Variants in MCTP1 observed in about 807,000 individuals in gnomAD.
MCTP1 encodes multiple C2 and transmembrane domain containing 1.
In MCTP1, 69 loss-of-function variants were observed where a neutral mutation model predicts 120.6. The ratio of observed to expected loss-of-function variants is 0.57; its 90% CI spans 0.47 to 0.70. MCTP1 has a LOEUF of 0.70. Among genes scored for constraint, MCTP1 ranks in the 30% least tolerant of loss-of-function variants. The pLI, the probability that MCTP1 is intolerant of heterozygous loss-of-function variation, is 0.00. For synonymous variants in MCTP1, 529 were observed against 493.1 expected, an observed-to-expected ratio of 1.07 and a Z score of -0.96; for missense variants, 1,203 against 1,248.8, an observed-to-expected ratio of 0.96 and a Z score of 0.55.
At chr5:94,827,552 A>T (rs1412396882) in intron 17 of MCTP1, among the ~76,000 whole-genome samples, 1 of 152,004 alleles carries the variant, frequency 6.6e-6, no homozygotes, top group Non-Finnish European at 1.5e-5. Flanking sequence ...CAATATCCCG[A>T]AGTGTATTTT....
chr5:94,744,595 C>T (rs1366997486), intron 19 of MCTP1, among the ~76,000 whole-genome samples: 2 of 152,260 alleles, frequency 1.3e-5, no homozygotes, highest in East Asian at 1.9e-4. Context: ...CCTCTGTCTC[C>T]CAGGTTCAAG....
chr5:94,722,709 T>C (rs1580318244), intron 19 of MCTP1, among the ~76,000 whole-genome samples: 1 of 152,206 alleles, frequency 6.6e-6, no homozygotes, highest in African/African-American at 2.4e-5. Flanking sequence ...AAGTCTTGCT[T>C]ACATAACCTT....
At chr5:94,952,695 T>C (rs1055212619) in intron 3 of MCTP1, among the ~76,000 whole-genome samples, 1 of 152,184 alleles carries the variant, frequency 6.6e-6, no homozygotes, top group African/African-American at 2.4e-5. Flanking sequence ...CAAGTTCTTC[T>C]CTTTCTTTTA....
intron 2 of MCTP1, among the ~76,000 whole-genome samples, chr5:94,984,742 T>C (rs1221336228): frequency 6.6e-6 from 1 of 152,160 alleles, no homozygotes; most frequent in African/African-American, 2.4e-5. Context: ...TACAAATACA[T>C]TGTCATGATA....
chr5:95,034,618 A>T (rs1211214314), intron 1 of MCTP1, among the ~76,000 whole-genome samples: 5 of 152,046 alleles, frequency 3.3e-5, no homozygotes, highest in African/African-American at 1.2e-4. Flanking sequence ...AACTAGAAAA[A>T]TCCTAGAAGA....
At chr5:95,249,166 T>G (rs2152694501) in intron 1 of MCTP1, among the ~76,000 whole-genome samples, 1 of 152,064 alleles carries the variant, frequency 6.6e-6, no homozygotes, top group South Asian at 2.1e-4. Context: ...ACAAATGGGA[T>G]CTAATTAAAC....
intron 1 of MCTP1, among the ~76,000 whole-genome samples, chr5:95,175,241 C>T (rs1747825396): frequency 1.3e-5 from 2 of 152,204 alleles, no homozygotes. Flanking sequence ...TCTCCAGCTC[C>T]TAATGCCTTT....
intron 17 of MCTP1, among the ~76,000 whole-genome samples, chr5:94,817,029 T>A (rs905778003): frequency 6.6e-6 from 1 of 152,172 alleles, no homozygotes; most frequent in Non-Finnish European, 1.5e-5. Context: ...ACTGAAAACC[T>A]GTAACAGAGA....
At chr5:95,187,610 C>T (rs1053342087) in intron 1 of MCTP1, among the ~76,000 whole-genome samples, 6 of 152,074 alleles carry the variant, frequency 3.9e-5, no homozygotes, top group South Asian at 2.1e-4. Flanking sequence ...CCATGTTAGC[C>T]GGGATGGTTG....
At chr5:95,095,253 G>A (rs1173937693) in intron 1 of MCTP1, among the ~76,000 whole-genome samples, 2 of 151,752 alleles carry the variant, frequency 1.3e-5, no homozygotes, top group Non-Finnish European at 2.9e-5. Context: ...TCGATCTCCT[G>A]ACCTCGTGAT....
Position 94,704,684 on chromosome 5 carries a change from C to CT in MCTP1, c.*2811dup, listed in dbSNP as rs1022757414. 6 of 151,268 alleles carry CT rather than the reference C, an allele frequency of 4.0e-5. No homozygotes were observed. The highest frequency in any genetic ancestry group is 3.3e-4 in the Admixed American group (5 of 15,180). 9.4% of individuals were successfully genotyped at this position (151,268 alleles called of 1,614,324 possible). On this transcript the variant is annotated 3_prime_UTR_variant, in exon 23 of 23. Coordinates refer to ENST00000515393, the MANE Select transcript of MCTP1 (RefSeq NM_024717.7). ...ATACAATCATTGGTTTGACCGTTGTCTATAACAGGGTCATACAGTTGGTAT... is the reference window on the plus strand; with the variant it reads ...ATACAATCATTGGTTTGACCGTTGTCTTATAACAGGGTCATACAGTTGGTAT...
In MCTP1 at chr5:94,984,939, C is replaced by T. The variant is rs1469233892; in HGVS notation, c.839-31578G>A. Reference sequence around the variant, plus strand: ...AGATGATTAAATCACACATCAATGTCCTTTTACATCCAATTTAATATGAGT... The same window carrying T: ...AGATGATTAAATCACACATCAATGTTCTTTTACATCCAATTTAATATGAGT... On this transcript the variant is annotated intron_variant, in intron 2 of 22. Transcript: ENST00000515393. Among the ~76,000 whole-genome samples, 4 of 152,098 alleles carry T rather than the reference C, an allele frequency of 2.6e-5. No individual in the cohort carries two copies. The East Asian group carries it at 7.7e-4, about 29-fold the overall frequency.
intron 1 of MCTP1, among the ~76,000 whole-genome samples, chr5:95,165,809 G>C (rs1746269133): frequency 6.6e-6 from 1 of 152,192 alleles, no homozygotes; most frequent in African/African-American, 2.4e-5. Context: ...CTGCCCGGCT[G>C]TTTCCTATGT....
At chr5:95,271,217 A>G (rs1759367008) in intron 1 of MCTP1, among the ~76,000 whole-genome samples, 1 of 152,222 alleles carries the variant, frequency 6.6e-6, no homozygotes, top group African/African-American at 2.4e-5. Context: ...AGAAAGTAAT[A>G]AAATAGTGTA....
At chr5:95,269,852 C>A (rs1375102946) in intron 1 of MCTP1, among the ~76,000 whole-genome samples, 5 of 152,210 alleles carry the variant, frequency 3.3e-5, no homozygotes, top group Non-Finnish European at 5.9e-5. Context: ...CTAACACTAT[C>A]TCTTTGTCAA....
At chr5:94,822,103 C>G (rs1785797620) in intron 17 of MCTP1, among the ~76,000 whole-genome samples, 1 of 152,082 alleles carries the variant, frequency 6.6e-6, no homozygotes, top group Non-Finnish European at 1.5e-5. Context: ...GATACATGTG[C>G]AGAACATGCA....
At chr5:94,785,493 T>C (rs757240328) in intron 18 of MCTP1, among the ~76,000 whole-genome samples, 7 of 152,106 alleles carry the variant, frequency 4.6e-5, no homozygotes, top group African/African-American at 1.7e-4. Context: ...GAAAAAAGTA[T>C]ACACCAAAGG....
chr5:94,863,314 T>C (rs1481574336), intron 17 of MCTP1, among the ~76,000 whole-genome samples: 1 of 151,842 alleles, frequency 6.6e-6, no homozygotes, highest in Non-Finnish European at 1.5e-5. Flanking sequence ...AGAACATTTC[T>C]AACGTTTCTG....
Position 94,923,986 on chromosome 5 carries a change from G to T in MCTP1, c.1248C>A (p.Phe416Leu). The T allele has an allele frequency of 6.6e-7, 1 of 1,522,680 alleles. No individual in the cohort carries two copies. Among genetic ancestry groups the T allele is most frequent in the Non-Finnish European group, 8.8e-7 (1 of 1,140,550 alleles). 94.3% of individuals were successfully genotyped at this position (1,522,680 alleles called of 1,614,324 possible). A position where few individuals can be genotyped will look rare whatever the true frequency, so the allele number is the denominator to read the frequency against. The change falls in exon 7 of 23, where the codon TTC becomes TTA. Residue 416 changes from phenylalanine (F) to leucine (L), a missense_variant. Physicochemically the swap from Phe to Leu is conservative, Grantham distance 22. Coordinates refer to ENST00000515393, the MANE Select transcript of MCTP1 (RefSeq NM_024717.7). The part of the protein sequence containing the change: ...LSENEVVGSY[F>L]SVKSLFWRTC... ...CCCTCCAAAAGAGAGACTTCACAGA[G>T]AAATAAGATCCAACCACTTCATTTT...
Sources: gnomAD v4.1 joint callset for allele counts (sites outside exome capture counted in the v4.1 genomes callset) on GRCh38, gnomAD v4.1.1 for gene constraint, MANE v1.5 for transcripts, NCBI Gene and HGNC (gene_info 2026-07-23, HGNC 2026-07-21) for gene names.